CCDC91: variants seen among roughly 807,000 people sequenced by gnomAD.
CCDC91 encodes coiled-coil domain-containing protein 91.
CCDC91 carries 48 observed loss-of-function variants against 63.2 expected under a neutral mutation model. The observed-to-expected ratio is 0.76, with a 90% CI of 0.60 to 0.97. The LOEUF (loss-of-function observed/expected upper bound fraction) is 0.97. CCDC91 is among the 50% of genes least tolerant of loss of function. The pLI is 0.00. For missense variants in CCDC91, 500 were observed against 494.6 expected (o/e 1.01, Z -0.10); for synonymous variants, 167 against 165.8 (o/e 1.01, Z -0.06).
intron 12 of CCDC91, among the ~76,000 whole-genome samples, chr12:28,536,254 A>G (rs933077049): frequency 3.3e-5 from 5 of 152,194 alleles, no homozygotes; most frequent in East Asian, 1.9e-4. Flanking sequence ...ACGCCAGCTC[A>G]TAGATTCCAC....
chr12:28,489,998 TAA>T (rs1436077731), intron 12 of CCDC91, among the ~76,000 whole-genome samples: 1 of 151,976 alleles, frequency 6.6e-6, no homozygotes, highest in African/African-American at 2.4e-5. Context: ...AAAATTCTGT[TAA>T]GACTATGAGT....
chr12:28,499,134 T>A (rs1952476782), intron 12 of CCDC91, among the ~76,000 whole-genome samples: 1 of 151,596 alleles, frequency 6.6e-6, no homozygotes, highest in Admixed American at 6.6e-5. Context: ...TTATTTCAAG[T>A]CTTCTCTTAA....
chr12:28,221,857 A>G (rs1943975125), intron 1 of CCDC91, among the ~76,000 whole-genome samples: 1 of 152,072 alleles, frequency 6.6e-6, no homozygotes, highest in Non-Finnish European at 1.5e-5. Flanking sequence ...CTTTCTCTGG[A>G]GCTCTATTTC....
At chr12:28,425,824 A>G (rs2139997850) in intron 8 of CCDC91, among the ~76,000 whole-genome samples, 1 of 152,206 alleles carries the variant, frequency 6.6e-6, no homozygotes, top group South Asian at 2.1e-4. Flanking sequence ...CCCCAGACCT[A>G]CTGTATCAAA....
intron 8 of CCDC91, among the ~76,000 whole-genome samples, chr12:28,432,636 C>T (rs796447866): frequency 4.6e-5 from 7 of 152,168 alleles, no homozygotes; most frequent in African/African-American, 1.7e-4. Flanking sequence ...ATACTGACAT[C>T]GTGGTTGCTG....
intron 3 of CCDC91, among the ~76,000 whole-genome samples, chr12:28,293,484 T>A (rs781205575): frequency 3.3e-5 from 5 of 152,230 alleles, no homozygotes; most frequent in Non-Finnish European, 7.3e-5. Context: ...AAGAGCTTAT[T>A]TGAGGACTGT....
At chr12:28,350,275 G>T (rs1174442704) in intron 6 of CCDC91, among the ~76,000 whole-genome samples, 1 of 152,076 alleles carries the variant, frequency 6.6e-6, no homozygotes, top group Non-Finnish European at 1.5e-5. Flanking sequence ...TAAAGATCTG[G>T]TATTATTGCT....
At chr12:28,487,013 G>T (rs1235650364) in intron 12 of CCDC91, among the ~76,000 whole-genome samples, 1 of 151,900 alleles carries the variant, frequency 6.6e-6, no homozygotes, top group Admixed American at 6.6e-5. Flanking sequence ...ACAGAAAGTA[G>T]AAATAACTAG....
At chr12:28,408,456 C>T (rs191556198) in intron 8 of CCDC91, among the ~76,000 whole-genome samples, 105 of 151,912 alleles carry the variant, frequency 6.9e-4, no homozygotes, top group Non-Finnish European at 1.1e-3. Flanking sequence ...CTTGTGCATG[C>T]GTCTGACTTT....
Position 28,482,462 on chromosome 12 carries a change from G to A in CCDC91, c.1102-1590G>A, listed in dbSNP as rs376116780. ...ATTTTCAGTTAATTTTATAAGGAAG[G>A]GAATAAAAAATAAGTATACCAATAT... On this transcript the variant is annotated intron_variant, in intron 11 of 12. Transcript: ENST00000536442. 1.8e-4 allele frequency among the ~76,000 whole-genome samples: 28 copies of A among 151,694 alleles called. No individual in the cohort carries two copies. In the East Asian group the frequency reaches 4.5e-3, roughly 24 times the overall value.
At chr12:28,350,029 T>C (rs1254116603) in intron 6 of CCDC91, among the ~76,000 whole-genome samples, 1 of 152,238 alleles carries the variant, frequency 6.6e-6, no homozygotes, top group Non-Finnish European at 1.5e-5. Flanking sequence ...TTTCTCACTT[T>C]TCACACTGCT....
At chr12:28,223,037 G>A (rs996004457) in intron 1 of CCDC91, among the ~76,000 whole-genome samples, 9 of 152,242 alleles carry the variant, frequency 5.9e-5, no homozygotes, top group African/African-American at 2.2e-4. Context: ...CTGACAAGGT[G>A]AGCTTCGCCA....
intron 8 of CCDC91, among the ~76,000 whole-genome samples, chr12:28,421,933 G>C (rs1424667708): frequency 6.6e-6 from 1 of 152,044 alleles, no homozygotes; most frequent in African/African-American, 2.4e-5. Context: ...TGATCCTTGA[G>C]ATTGACATCA....
intron 3 of CCDC91, among the ~76,000 whole-genome samples, chr12:28,270,699 A>G (rs1185205439): frequency 6.6e-6 from 1 of 152,172 alleles, no homozygotes; most frequent in African/African-American, 2.4e-5. Flanking sequence ...CCTTGGTCTT[A>G]TAATCTAAAC....
intron 6 of CCDC91, among the ~76,000 whole-genome samples, chr12:28,356,101 CAT>C (rs1943509111): frequency 1.3e-5 from 2 of 151,974 alleles, no homozygotes; most frequent in South Asian, 2.1e-4. Context: ...AAGGGTCTGT[CAT>C]GTGCTGTTAT....
intron 3 of CCDC91, among the ~76,000 whole-genome samples, chr12:28,272,147 G>A (rs2136392663): frequency 6.6e-6 from 1 of 151,808 alleles, no homozygotes; most frequent in Admixed American, 6.6e-5. Context: ...TTTTCTTTCT[G>A]GATCACTTCA....
chr12:28,332,536 G>A (rs1056523819), intron 6 of CCDC91, among the ~76,000 whole-genome samples: 7 of 152,120 alleles, frequency 4.6e-5, no homozygotes, highest in Admixed American at 6.5e-5. Context: ...ATTAACAAAT[G>A]AGAAAAAATA....
At chr12:28,326,043 T>C (rs1324685157) in intron 6 of CCDC91, among the ~76,000 whole-genome samples, 1 of 152,136 alleles carries the variant, frequency 6.6e-6, no homozygotes, top group Non-Finnish European at 1.5e-5. Flanking sequence ...AATTCCTTTA[T>C]AGTTGAGGCA....
At chr12:28,469,009 A>G (rs1950677254) in intron 11 of CCDC91, among the ~76,000 whole-genome samples, 1 of 152,016 alleles carries the variant, frequency 6.6e-6, no homozygotes, top group African/African-American at 2.4e-5. Context: ...CTGAAAGCCT[A>G]TACTCTTAGA....
Sources: allele counts gnomAD v4.1 joint callset (sites outside exome capture counted in the v4.1 genomes callset), GRCh38; gene constraint gnomAD v4.1.1; transcripts MANE v1.5; gene names NCBI Gene and HGNC (gene_info 2026-07-23, HGNC 2026-07-21).